Variants in GPR149 observed in about 807,000 individuals in gnomAD.
The protein encoded by GPR149 is G protein-coupled receptor 149.
Under a neutral mutation model 50.2 loss-of-function variants are expected in GPR149, and 50 were observed. The ratio of observed to expected loss-of-function variants is 1.00; its 90% confidence interval spans 0.79 to 1.26. The LOEUF (loss-of-function observed/expected upper bound fraction) is 1.26. Ranked by LOEUF, GPR149 falls within the 50% of genes most tolerant of loss-of-function variation. The pLI, the probability that GPR149 is intolerant of heterozygous loss-of-function variation, is 0.00. For missense variants in GPR149, 983 were observed against 895.4 expected, an observed-to-expected ratio of 1.10 and a Z score of -1.25; for synonymous variants, 405 against 358.2, an observed-to-expected ratio of 1.13 and a Z score of -1.48.
At chr3:154,416,305 C>T (rs1711985778) in intron 3 of GPR149, among the ~76,000 whole-genome samples, 1 of 151,760 alleles carries the variant, frequency 6.6e-6, no homozygotes, top group Non-Finnish European at 1.5e-5. Context: ...GCATATTAGC[C>T]CACTGGGGGA....
chr3:154,370,494 T>G (rs1196274001), intron 3 of GPR149, among the ~76,000 whole-genome samples: 4 of 152,112 alleles, frequency 2.6e-5, no homozygotes, highest in African/African-American at 9.7e-5. Flanking sequence ...AAAAACAAAC[T>G]GTCCCCTCGC....
chr3:154,423,567 A>C (rs961188060), intron 2 of GPR149, among the ~76,000 whole-genome samples: 1 of 151,910 alleles, frequency 6.6e-6, no homozygotes, highest in Non-Finnish European at 1.5e-5. Flanking sequence ...TGCCTGAAGT[A>C]ACTAATGTAC....
chr3:154,421,141 A>G lies in GPR149; in HGVS notation c.1521T>C (p.Phe507=), dbSNP rs1158569176. The G allele has an allele frequency of 1.9e-6, 3 of 1,613,338 alleles. No individual in the cohort carries two copies. In the African/African-American group the frequency reaches 4.0e-5, roughly 22 times the overall value. The change falls in exon 3 of 4, where the codon TTT becomes TTC. Residue 507 remains phenylalanine (F), a synonymous_variant. Transcript: ENST00000389740. ...GGDINYEETT[F]SEGPERRLSH... ...ACAGTCTTCTTTCTGGCCCTTCAGAAAAGGTAGTTTCTTCATAGTTAATAT... is the reference window on the plus strand; with the variant it reads ...ACAGTCTTCTTTCTGGCCCTTCAGAGAAGGTAGTTTCTTCATAGTTAATAT...
At chr3:154,352,746 G>T in intron 3 of GPR149, 1 of 789,902 alleles carries the variant, frequency 1.3e-6, no homozygotes, top group Non-Finnish European at 2.3e-6. Flanking sequence ...TCAGAAACCT[G>T]ATGGTATCCA....
At chr3:154,427,425 T>A in intron 2 of GPR149, 91 bp downstream of exon 2, 3 of 1,047,350 alleles carry the variant, frequency 2.9e-6, no homozygotes, top group Non-Finnish European at 4.2e-6. Context: ...GGACTCTCCA[T>A]CCCCTACTGA....
rs1425008185 is a variant in GPR149, at chr3:154,427,571, G to C, written c.1119C>G (p.Gly373=). The change falls in exon 2 of 4, where the codon GGC becomes GGG. Residue 373 remains glycine, a synonymous_variant. Coordinates refer to ENST00000389740, the MANE Select transcript of GPR149 (RefSeq NM_001038705.3). Reference sequence around the variant, plus strand: ...CGTTCTGCCTGCAGTTGATGATGCAGCCACAGGGCAAGTGGGTCCAGCGTT... The same window carrying C: ...CGTTCTGCCTGCAGTTGATGATGCACCCACAGGGCAAGTGGGTCCAGCGTT... ...LSKRWTHLPC[G]CIINCRQNAY... is the part of the protein sequence containing the mutation. 3.7e-6 allele frequency: 6 copies of C among 1,614,114 alleles called. No homozygotes were observed. Among genetic ancestry groups the C allele is most frequent in the Non-Finnish European group, 5.1e-6 (6 of 1,180,010 alleles).
intron 3 of GPR149, chr3:154,352,584 G>A (rs1714106485): frequency 1.3e-6 from 1 of 776,114 alleles, no homozygotes; most frequent in Non-Finnish European, 2.4e-6. Context: ...CAGAGTCATG[G>A]TCATCAGAGG....
At chr3:154,360,142 T>C (rs1714344982) in intron 3 of GPR149, among the ~76,000 whole-genome samples, 1 of 152,164 alleles carries the variant, frequency 6.6e-6, no homozygotes, top group Non-Finnish European at 1.5e-5. Flanking sequence ...TCCATTTTGG[T>C]AAGAGATGGT....
intron 3 of GPR149, among the ~76,000 whole-genome samples, chr3:154,379,477 G>A (rs546933979): frequency 2.0e-5 from 3 of 151,842 alleles, no homozygotes; most frequent in East Asian, 3.9e-4. Context: ...ATTATTTTAT[G>A]GATTGTGCTT....
chr3:154,390,217 CAAA>C (rs953135812), intron 3 of GPR149, among the ~76,000 whole-genome samples: 2 of 151,964 alleles, frequency 1.3e-5, no homozygotes, highest in Non-Finnish European at 2.9e-5. Flanking sequence ...AAATATGTTC[CAAA>C]CAAAGCAACA....
At chr3:154,354,050 G>T in intron 3 of GPR149, 1 of 447,322 alleles carries the variant, frequency 2.2e-6, no homozygotes, top group Non-Finnish European at 4.3e-6. Flanking sequence ...CCATTTGGTA[G>T]ATCTTTTCTT....
chr3:154,429,370 G>C lies in GPR149; in HGVS notation c.246C>G (p.Val82=), dbSNP rs777774462. The C allele has an allele frequency of 2.5e-6, 4 of 1,614,070 alleles. No individual in the cohort carries two copies. The South Asian group carries it at 4.4e-5, about 18-fold the overall frequency. Residue 82 remains valine (V), a synonymous_variant, in exon 1 of 4, where the codon GTC becomes GTG. Transcript: ENST00000389740. ...ASWSVDDLMS[V]LSVTIFMFLQ... ...AAAACATGAAGATGGTCACCGACAGGACGCTCATGAGATCATCCACAGACC... is the reference window on the plus strand; with the variant it reads ...AAAACATGAAGATGGTCACCGACAGCACGCTCATGAGATCATCCACAGACC...
intron 3 of GPR149, chr3:154,354,140 T>C: frequency 2.1e-6 from 1 of 477,586 alleles, no homozygotes; most frequent in East Asian, 5.8e-5. Flanking sequence ...TTCATTTTAG[T>C]TTTTTTTGGC....
intron 3 of GPR149, among the ~76,000 whole-genome samples, chr3:154,342,787 A>G (rs1387639542): frequency 6.6e-6 from 1 of 152,218 alleles, no homozygotes; most frequent in Non-Finnish European, 1.5e-5. Context: ...ATAAACAGAA[A>G]AAAACCCCAG....
At chr3:154,400,276 G>A (rs1349287275) in intron 3 of GPR149, among the ~76,000 whole-genome samples, 1 of 152,214 alleles carries the variant, frequency 6.6e-6, no homozygotes, top group Non-Finnish European at 1.5e-5. Flanking sequence ...GTGAGCCACC[G>A]CGCCCGGCCC....
At chr3:154,399,247 A>T (rs1215214978) in intron 3 of GPR149, among the ~76,000 whole-genome samples, 4 of 152,210 alleles carry the variant, frequency 2.6e-5, no homozygotes, top group Non-Finnish European at 5.9e-5. Context: ...ATTAAAGACA[A>T]GTCAGAGCTT....
intron 3 of GPR149, among the ~76,000 whole-genome samples, chr3:154,378,253 T>A (rs1227776870): frequency 6.6e-6 from 1 of 151,926 alleles, no homozygotes; most frequent in Non-Finnish European, 1.5e-5. Flanking sequence ...TGGCTTATTA[T>A]TATTATTATT....
intron 3 of GPR149, among the ~76,000 whole-genome samples, chr3:154,343,063 G>A (rs761895452): frequency 2.6e-5 from 4 of 152,188 alleles, no homozygotes; most frequent in African/African-American, 9.6e-5. Context: ...AGGTAAGGCT[G>A]TAAGTTCTGC....
At chr3:154,377,596 C>T (rs907580777) in intron 3 of GPR149, among the ~76,000 whole-genome samples, 23 of 152,138 alleles carry the variant, frequency 1.5e-4, no homozygotes, top group Admixed American at 9.8e-4. Flanking sequence ...GAACTCCTGA[C>T]CTCACGTGAT....
Sources: gnomAD v4.1 joint callset for allele counts (sites outside exome capture counted in the v4.1 genomes callset) on GRCh38, gnomAD v4.1.1 for gene constraint, MANE v1.5 for transcripts, NCBI Gene and HGNC (gene_info 2026-07-23, HGNC 2026-07-21) for gene names.